CALN1: variants seen among roughly 807,000 people sequenced by gnomAD.
CALN1 encodes the protein calneuron 1.
A neutral mutation model predicts 30.6 loss-of-function variants in CALN1; 17 were observed. The ratio of observed to expected loss-of-function variants is 0.56; its 90% CI spans 0.38 to 0.83. The LOEUF (loss-of-function observed/expected upper bound fraction) is 0.83. CALN1 is among the 40% of genes least tolerant of loss of function. The pLI is 0.00. For synonymous variants in CALN1, 156 were observed against 131.4 expected (o/e 1.19, Z -1.28); for missense variants, 291 against 354.9 (o/e 0.82, Z 1.45).
At chr7:71,960,172 AATAAAT>A (rs1434898709) in intron 5 of CALN1, among the ~76,000 whole-genome samples, 7 of 133,386 alleles carry the variant, frequency 5.2e-5, no homozygotes, top group African/African-American at 1.7e-4. Context: ...TAAATAAATA[AATAAAT>A]AAATAAAATA....
chr7:71,862,443 A>T (rs1791345335), intron 5 of CALN1, among the ~76,000 whole-genome samples: 1 of 152,128 alleles, frequency 6.6e-6, no homozygotes, highest in South Asian at 2.1e-4. Context: ...TGGTTTTATA[A>T]AAGGGGCTCC....
intron 3 of CALN1, among the ~76,000 whole-genome samples, chr7:72,223,074 A>ACAGG (rs973012856): frequency 3.4e-4 from 52 of 152,204 alleles, no homozygotes; most frequent in African/African-American, 1.2e-3. Context: ...AGGGTGAGCT[A>ACAGG]CAGGCTCCTG....
intron 5 of CALN1, among the ~76,000 whole-genome samples, chr7:71,921,001 T>A (rs145025236): frequency 3.3e-4 from 50 of 152,274 alleles, no homozygotes; most frequent in African/African-American, 1.1e-3. Context: ...GTGGCACATA[T>A]ACACCATGGA....
intron 4 of CALN1, among the ~76,000 whole-genome samples, chr7:72,053,275 CAGAGTACACCAAA>C (rs1802956956): frequency 1.3e-5 from 2 of 152,180 alleles, no homozygotes. Flanking sequence ...AGAGTGGAAT[CAGAGTACACCAAA>C]GACTCCCAGA....
intron 3 of CALN1, among the ~76,000 whole-genome samples, chr7:72,225,980 C>A (rs1396179117): frequency 1.3e-5 from 2 of 151,666 alleles, no homozygotes; most frequent in Non-Finnish European, 2.9e-5. Context: ...CCTGTAGTCC[C>A]AGCTACTCGG....
chr7:72,392,744 G>C (rs1805655181), intron 2 of CALN1, among the ~76,000 whole-genome samples: 1 of 152,116 alleles, frequency 6.6e-6, no homozygotes, highest in Non-Finnish European at 1.5e-5. Context: ...GGGAAGCCAA[G>C]GTGGGAGGAT....
At chr7:71,792,359 G>A (rs193015220) in intron 6 of CALN1, among the ~76,000 whole-genome samples, 2 of 152,164 alleles carry the variant, frequency 1.3e-5, no homozygotes, top group African/African-American at 2.4e-5. Flanking sequence ...TTTCGCCATG[G>A]TCTCTTAGGT....
intron 4 of CALN1, among the ~76,000 whole-genome samples, chr7:72,054,107 A>C: frequency 6.6e-6 from 1 of 152,052 alleles, no homozygotes; most frequent in South Asian, 2.1e-4. Flanking sequence ...ATAAACACGC[A>C]TGTGCAAGTA....
At chr7:72,030,275 A>G (rs1316154813) in intron 4 of CALN1, among the ~76,000 whole-genome samples, 1 of 152,158 alleles carries the variant, frequency 6.6e-6, no homozygotes, top group African/African-American at 2.4e-5. Flanking sequence ...GGTTGGAGGA[A>G]CAATCAGGAT....
At chr7:72,389,813 G>C (rs575213457) in intron 2 of CALN1, among the ~76,000 whole-genome samples, 1 of 152,176 alleles carries the variant, frequency 6.6e-6, no homozygotes, top group Non-Finnish European at 1.5e-5. Flanking sequence ...CAGCTACTCG[G>C]GAGGCTGAGG....
At chr7:72,070,403 T>C (rs148507561) in intron 4 of CALN1, among the ~76,000 whole-genome samples, 2,884 of 152,306 alleles carry the variant, frequency 0.019, 91 homozygotes, top group African/African-American at 0.064. Context: ...TCCATGAGGC[T>C]CTGCCTGGCC....
intron 1 of CALN1, among the ~76,000 whole-genome samples, chr7:72,446,014 G>A (rs1475700216): frequency 6.6e-6 from 1 of 152,112 alleles, no homozygotes. Context: ...TCTCCCAGGT[G>A]GGGAATTGGA....
chr7:72,073,116 G>C (rs1005057240), intron 4 of CALN1, among the ~76,000 whole-genome samples: 1 of 152,056 alleles, frequency 6.6e-6, no homozygotes, highest in Non-Finnish European at 1.5e-5. Context: ...AGAAACTTGA[G>C]GATTTTATGA....
chr7:72,044,055 C>A (rs533673487), intron 4 of CALN1, among the ~76,000 whole-genome samples: 5 of 151,390 alleles, frequency 3.3e-5, no homozygotes, highest in African/African-American at 1.2e-4. Flanking sequence ...GATTCAATTA[C>A]CTCCCACCGG....
intron 2 of CALN1, among the ~76,000 whole-genome samples, chr7:72,399,409 T>G (rs558653451): frequency 1.1e-4 from 16 of 151,146 alleles, no homozygotes; most frequent in African/African-American, 3.9e-4. Flanking sequence ...TAGCTGGGAC[T>G]GTAAGCGCAC....
chr7:71,811,693 T>C (rs1279227544), intron 5 of CALN1, among the ~76,000 whole-genome samples: 6 of 144,370 alleles, frequency 4.2e-5, no homozygotes, highest in Admixed American at 2.1e-4. Flanking sequence ...TTTTTTTTTT[T>C]CCGAAATGGA....
At chr7:71,803,551 C>T (rs558060070) in intron 6 of CALN1, among the ~76,000 whole-genome samples, 183 of 152,116 alleles carry the variant, frequency 1.2e-3, no homozygotes, top group Non-Finnish European at 1.6e-3. Context: ...CTCGGCTCAC[C>T]GCAACCTCTG....
chr7:72,270,110 T>C (rs1220361091), intron 3 of CALN1, among the ~76,000 whole-genome samples: 1 of 151,838 alleles, frequency 6.6e-6, no homozygotes, highest in Non-Finnish European at 1.5e-5. Context: ...TGTGTGTGTA[T>C]GTATGTGTGT....
chr7:72,351,726 GA>G (rs1276645118), intron 2 of CALN1, among the ~76,000 whole-genome samples: 8 of 151,892 alleles, frequency 5.3e-5, no homozygotes, highest in African/African-American at 1.4e-4. Context: ...TACAATATTT[GA>G]AAAATAATCA....
Sources: allele counts gnomAD v4.1 joint callset (sites outside exome capture counted in the v4.1 genomes callset), GRCh38; gene constraint gnomAD v4.1.1; transcripts MANE v1.5; gene names NCBI Gene and HGNC (gene_info 2026-07-23, HGNC 2026-07-21).